CDC123: variants seen among roughly 807,000 people sequenced by gnomAD.
CDC123 encodes translation initiation factor eIF2 assembly protein.
A neutral mutation model predicts 54.4 loss-of-function variants in CDC123; 37 were observed. That is an observed-to-expected ratio of 0.68 (90% CI 0.52 to 0.89). CDC123 has a LOEUF of 0.89. Among genes scored for constraint, CDC123 ranks in the 40% least tolerant of loss-of-function variants. The pLI, the probability that CDC123 is intolerant of heterozygous loss-of-function variation, is 0.00. For missense variants in CDC123, 361 were observed against 412.1 expected (o/e 0.88, Z 1.07); for synonymous variants, 144 against 136.8 (o/e 1.05, Z -0.37).
intron 10 of CDC123, among the ~76,000 whole-genome samples, chr10:12,239,174 T>G (rs1836020818): frequency 6.6e-6 from 1 of 151,912 alleles, no homozygotes; most frequent in African/African-American, 2.4e-5. Context: ...TTTTTTTTTT[T>G]TTCTCACATC....
chr10:12,232,138 C>T (rs534373745), intron 7 of CDC123, among the ~76,000 whole-genome samples: 2 of 152,196 alleles, frequency 1.3e-5, no homozygotes, highest in African/African-American at 2.4e-5. Flanking sequence ...TGAACCACTG[C>T]GCCCTGCCTT....
rs555963882 is a variant in CDC123, at chr10:12,226,895, G to A, written c.441-4053G>A. Among the ~76,000 whole-genome samples the A allele has an allele frequency of 1.4e-4, 21 of 152,186 alleles. No homozygotes were observed. In the South Asian group the frequency reaches 2.1e-3, roughly 15 times the overall value. On this transcript the variant is annotated intron_variant, in intron 6 of 12. Coordinates refer to ENST00000281141, the MANE Select transcript of CDC123 (RefSeq NM_006023.3). ...CTGCAATCTCGGCACTTTGGGAGGC[G>A]AAGGCAGGCGGCTGGGAGGTGGAGG...
At chr10:12,231,657 A>G (rs1033358118) in intron 7 of CDC123, among the ~76,000 whole-genome samples, 1 of 151,162 alleles carries the variant, frequency 6.6e-6, no homozygotes, top group Non-Finnish European at 1.5e-5. Flanking sequence ...ATAAGAGGAT[A>G]GTGAAAAAAC....
rs1001617090 is a variant in CDC123, at chr10:12,210,405, C to G, written c.237+83C>G. 8 of 1,482,172 alleles carry G rather than the reference C, an allele frequency of 5.4e-6. No individual in the cohort carries two copies. In the African/African-American group the frequency reaches 1.1e-4, roughly 21 times the overall value. 91.8% of individuals were successfully genotyped at this position (1,482,172 alleles called of 1,614,324 possible). On this transcript the variant is annotated intron_variant, in intron 4 of 12. Coordinates refer to ENST00000281141, the MANE Select transcript of CDC123 (RefSeq NM_006023.3). ...CGTCAAGGTTTAAGTGCATACCTCT[C>G]TTAAATTCCTAGTCAGTCACCATCT...
At chr10:12,215,259 A>G (rs534748255) in intron 4 of CDC123, among the ~76,000 whole-genome samples, 3 of 152,304 alleles carry the variant, frequency 2.0e-5, no homozygotes, top group Admixed American at 1.3e-4. Context: ...AGTTTGCCAC[A>G]TCATTTATTT....
chr10:12,231,938 T>C (rs1835907318), intron 7 of CDC123, among the ~76,000 whole-genome samples: 1 of 152,064 alleles, frequency 6.6e-6, no homozygotes, highest in South Asian at 2.1e-4. Flanking sequence ...CTCTGCCTCC[T>C]GGACTAAAGC....
chr10:12,246,472 G>A, intron 11 of CDC123, 195 bp downstream of exon 11: 1 of 514,728 alleles, frequency 1.9e-6, no homozygotes, highest in Non-Finnish European at 3.4e-6. Context: ...ATATACAGAA[G>A]TCAGGATCAT....
intron 11 of CDC123, among the ~76,000 whole-genome samples, chr10:12,249,300 T>G (rs1836205873): frequency 6.6e-6 from 1 of 152,162 alleles, no homozygotes; most frequent in Non-Finnish European, 1.5e-5. Context: ...CAGCTGGGCG[T>G]GGTGGCGCAT....
chr10:12,213,920 T>G (rs1401148453), intron 4 of CDC123, among the ~76,000 whole-genome samples: 1 of 152,158 alleles, frequency 6.6e-6, no homozygotes, highest in Non-Finnish European at 1.5e-5. Context: ...CCGTAAGAAT[T>G]AGTTCATGTC....
At chr10:12,202,613 A>T (rs2895504) in intron 2 of CDC123, among the ~76,000 whole-genome samples, 1 of 152,022 alleles carries the variant, frequency 6.6e-6, no homozygotes, top group Non-Finnish European at 1.5e-5. Context: ...TACCTGTGCA[A>T]CTGACCAGGC....
chr10:12,212,538 G>C (rs1588672605), intron 4 of CDC123, among the ~76,000 whole-genome samples: 1 of 152,176 alleles, frequency 6.6e-6, no homozygotes, highest in African/African-American at 2.4e-5. Flanking sequence ...GACTATCACT[G>C]TGTTGCCCAG....
At chr10:12,239,162 A>G (rs945063924) in intron 10 of CDC123, among the ~76,000 whole-genome samples, 1 of 151,704 alleles carries the variant, frequency 6.6e-6, no homozygotes, top group African/African-American at 2.4e-5. Context: ...CCCCTCCTCA[A>G]ATTTTTTTTT....
chr10:12,203,572 A>C (rs1226991550), intron 2 of CDC123, among the ~76,000 whole-genome samples: 7 of 152,080 alleles, frequency 4.6e-5, no homozygotes, highest in Admixed American at 3.9e-4. Context: ...CTGTGGGTGT[A>C]GGAAAGGAGG....
rs763050668 is a variant in CDC123, at chr10:12,246,099, A to G, written c.718-50A>G. ...TAAAAAAGTGTTTCTTTCTCAGAAG[A>G]CAGAGTACAGAAGATGTTTGTTTTT... On this transcript the variant is annotated intron_variant, in intron 10 of 12. Coordinates refer to ENST00000281141, the MANE Select transcript of CDC123 (RefSeq NM_006023.3). 4 of 1,583,966 alleles carry G rather than the reference A, an allele frequency of 2.5e-6. No individual in the cohort carries two copies. In the South Asian group the frequency reaches 4.5e-5, roughly 18 times the overall value.
chr10:12,243,461 TA>T (rs374598409), intron 10 of CDC123, among the ~76,000 whole-genome samples: 17 of 150,596 alleles, frequency 1.1e-4, no homozygotes, highest in African/African-American at 3.6e-4. Context: ...TGTGATTGTT[TA>T]AAAAAAAATG....
At chr10:12,213,156 G>A (rs903373550) in intron 4 of CDC123, among the ~76,000 whole-genome samples, 1 of 152,188 alleles carries the variant, frequency 6.6e-6, no homozygotes, top group African/African-American at 2.4e-5. Flanking sequence ...TGAGAAAGAG[G>A]ATAGTTCCAT....
At position 12,222,895 on chromosome 10, in the gene CDC123, C is replaced by CT. The variant is rs61138851; in HGVS notation, c.440+5442dup. Among the ~76,000 whole-genome samples the CT allele has an allele frequency of 8.0e-3, 1,171 of 146,120 alleles. 8 individuals carry two copies. Among genetic ancestry groups the CT allele is most frequent in the Middle Eastern group, 0.036 (10 of 280 alleles). On this transcript the variant is annotated intron_variant, in intron 6 of 12. Coordinates refer to ENST00000281141, the MANE Select transcript of CDC123 (RefSeq NM_006023.3). ...TCACTGGATATGTTACATTTGTCCTCTTTTTTTTTTTTTTGAGACGGAGTC... is the reference window on the plus strand; with the variant it reads ...TCACTGGATATGTTACATTTGTCCTCTTTTTTTTTTTTTTTGAGACGGAGTC...
chr10:12,226,337 C>T (rs376925523), intron 6 of CDC123, among the ~76,000 whole-genome samples: 58 of 148,270 alleles, frequency 3.9e-4, no homozygotes, highest in East Asian at 2.9e-3. Context: ...CTGGACGGGG[C>T]GGCTGGCCGG....
chr10:12,229,320 C>T (rs375485289), intron 6 of CDC123, among the ~76,000 whole-genome samples: 1 of 152,190 alleles, frequency 6.6e-6, no homozygotes, highest in African/African-American at 2.4e-5. Flanking sequence ...CCCCTTTGTC[C>T]TTATAATGAA....
Sources: allele counts gnomAD v4.1 joint callset (sites outside exome capture counted in the v4.1 genomes callset), GRCh38; gene constraint gnomAD v4.1.1; transcripts MANE v1.5; gene names NCBI Gene and HGNC (gene_info 2026-07-23, HGNC 2026-07-21).